Variants in NETO1 observed in about 807,000 individuals in gnomAD.
NETO1 encodes neuropilin and tolloid-like protein 1.
Under a neutral mutation model 61.3 loss-of-function variants are expected in NETO1, and 26 were observed. The ratio of observed to expected loss-of-function variants is 0.42; its 90% CI spans 0.31 to 0.59. The LOEUF is 0.59. NETO1 is among the 20% of genes least tolerant of loss of function. NETO1 has a pLI of 0.12. For synonymous variants in NETO1, 225 were observed against 225.8 expected, an observed-to-expected ratio of 1.00 and a Z score of 0.03; for missense variants, 531 against 662.8, an observed-to-expected ratio of 0.80 and a Z score of 2.18.
intron 8 of NETO1, 25 bp from the exon 9 acceptor site, chr18:72,750,645 A>C (rs771450495): frequency 1.3e-6 from 2 of 1,534,438 alleles, no homozygotes; most frequent in Non-Finnish European, 1.8e-6. Flanking sequence ...GAGTGAAAAC[A>C]ACAAACGGAC....
At chr18:72,866,776 G>A (rs1407070001) in intron 1 of NETO1, 2 of 993,056 alleles carry the variant, frequency 2.0e-6, no homozygotes, top group Non-Finnish European at 2.4e-6. Context: ...TCTCCAGGGC[G>A]GAAAGGGGTG....
intron 3 of NETO1, among the ~76,000 whole-genome samples, chr18:72,863,733 A>T (rs1327507706): frequency 6.6e-6 from 1 of 152,160 alleles, no homozygotes; most frequent in Non-Finnish European, 1.5e-5. Flanking sequence ...AAAATCTATC[A>T]AATAAATGTG....
At chr18:72,802,878 A>G (rs1293414427) in intron 4 of NETO1, among the ~76,000 whole-genome samples, 1 of 152,228 alleles carries the variant, frequency 6.6e-6, no homozygotes, top group East Asian at 1.9e-4. Context: ...AGTCTAGAGT[A>G]ACAGTTTTAA....
intron 4 of NETO1, among the ~76,000 whole-genome samples, chr18:72,810,145 G>T (rs2072817920): frequency 6.6e-6 from 1 of 152,132 alleles, no homozygotes; most frequent in African/African-American, 2.4e-5. Flanking sequence ...AAGTAATCTT[G>T]GTCCATTTTA....
chr18:72,794,279 C>A, intron 5 of NETO1, 35 bp from the exon 6 acceptor site: 2 of 1,613,978 alleles, frequency 1.2e-6, no homozygotes, highest in Non-Finnish European at 1.7e-6. Context: ...CACACAAAAA[C>A]GGAGCTTGAA....
intron 4 of NETO1, among the ~76,000 whole-genome samples, chr18:72,854,520 C>T (rs2074356730): frequency 6.6e-6 from 1 of 152,190 alleles, no homozygotes; most frequent in Non-Finnish European, 1.5e-5. Context: ...GGAAGGGCCA[C>T]CTTCTCCAGG....
Position 72,750,083 on chromosome 18 carries a change from C to T in NETO1, c.1520G>A (p.Arg507Lys). ...TGACCGCTGGACGGCTTTATCGTGT[C>T]TGGACAGCCTGTGACTGGTGGTCGG... ...EVPTTSHRLS[R>K]HDKAVQRFCL... Residue 507 changes from arginine (R) to lysine (K), a missense_variant, in exon 9 of 11, where the codon AGA (arginine) becomes AAA (lysine). By Grantham distance (26) the Arg-to-Lys change is conservative. Transcript: ENST00000327305. 6.3e-7 allele frequency: 1 copy of T among 1,598,730 alleles called. No individual in the cohort carries two copies.
intron 4 of NETO1, among the ~76,000 whole-genome samples, chr18:72,805,786 G>C (rs1460796474): frequency 6.6e-6 from 1 of 152,098 alleles, no homozygotes; most frequent in African/African-American, 2.4e-5. Context: ...CTTCTCTCTT[G>C]ATTTGGGAGT....
intron 7 of NETO1, among the ~76,000 whole-genome samples, chr18:72,759,145 G>C (rs2070886726): frequency 6.6e-6 from 1 of 152,044 alleles, no homozygotes; most frequent in South Asian, 2.1e-4. Flanking sequence ...GTAGCCCATT[G>C]CTCCTAGCAC....
At chr18:72,808,685 AG>A (rs1290479970) in intron 4 of NETO1, among the ~76,000 whole-genome samples, 6 of 152,358 alleles carry the variant, frequency 3.9e-5, no homozygotes, top group African/African-American at 1.4e-4. Flanking sequence ...AAGCTGTACA[AG>A]CCATGCTAAC....
chr18:72,797,921 G>T (rs2072372942), intron 4 of NETO1, among the ~76,000 whole-genome samples: 1 of 151,990 alleles, frequency 6.6e-6, no homozygotes, highest in African/African-American at 2.4e-5. Context: ...TTGGTTTTTG[G>T]TTCAAATATT....
intron 4 of NETO1, among the ~76,000 whole-genome samples, chr18:72,846,881 A>G (rs1431676544): frequency 6.6e-6 from 1 of 152,176 alleles, no homozygotes; most frequent in African/African-American, 2.4e-5. Flanking sequence ...TTCCTATTTC[A>G]TCGGGACAGC....
Position 72,810,070 on chromosome 18 carries a change from G to A in NETO1, c.470-15666C>T, listed in dbSNP as rs74948102. 7.8e-3 allele frequency among the ~76,000 whole-genome samples: 1,190 copies of A among 152,244 alleles called. 36 individuals are homozygous for A. Among genetic ancestry groups the A allele is most frequent in the East Asian group, 0.065 (337 of 5,182 alleles). On this transcript the variant is annotated intron_variant, in intron 4 of 10. Coordinates refer to ENST00000327305, the MANE Select transcript of NETO1 (RefSeq NM_138966.5). Reference sequence around the variant, plus strand: ...TAATGTCACTGTTTGCAATTTAAGAGGTCATCTCCTGGAAGTGTACAACTA... The same window carrying A: ...TAATGTCACTGTTTGCAATTTAAGAAGTCATCTCCTGGAAGTGTACAACTA...
At position 72,804,163 on chromosome 18, in the gene NETO1, A is replaced by G. The variant is rs2072599299; in HGVS notation, c.470-9759T>C. ...AATATACTCAGTTTAAATGGCTAATATAATAAATATTGAATGATACAGCCA... is the reference window on the plus strand; with the variant it reads ...AATATACTCAGTTTAAATGGCTAATGTAATAAATATTGAATGATACAGCCA... On this transcript the variant is annotated intron_variant, in intron 4 of 10. Transcript: ENST00000327305. Among the ~76,000 whole-genome samples, 3 of 152,170 alleles carry G rather than the reference A, an allele frequency of 2.0e-5. No individual in the cohort carries two copies. In the South Asian group the frequency reaches 6.2e-4, roughly 31 times the overall value.
intron 4 of NETO1, among the ~76,000 whole-genome samples, chr18:72,802,735 T>TAAG (rs2072550172): frequency 6.6e-6 from 1 of 152,248 alleles, no homozygotes; most frequent in Admixed American, 6.5e-5. Context: ...GAATCAGGAC[T>TAAG]GTGGCACCAA....
chr18:72,835,173 A>T, intron 4 of NETO1: 2 of 1,307,482 alleles, frequency 1.5e-6, no homozygotes, highest in African/African-American at 1.5e-5. Context: ...AAGGGCACAA[A>T]TCGTGGTGCA....
chr18:72,813,333 C>G (rs1599053779), intron 4 of NETO1, among the ~76,000 whole-genome samples: 1 of 152,328 alleles, frequency 6.6e-6, no homozygotes, highest in South Asian at 2.1e-4. Context: ...CAACTACTTT[C>G]TGCAGGAATA....
chr18:72,861,957 C>A (rs778362426), intron 3 of NETO1, among the ~76,000 whole-genome samples: 4 of 152,174 alleles, frequency 2.6e-5, no homozygotes, highest in Admixed American at 1.3e-4. Context: ...TAACAACTGG[C>A]ACTTTGACTA....
rs35252443 is a variant in NETO1, at chr18:72,846,504, C to CAAAAAAAAAAAAAAAAAAAAAAAA, written c.469+12298_469+12321dup. 2.3e-4 allele frequency among the ~76,000 whole-genome samples: 3 copies of CAAAAAAAAAAAAAAAAAAAAAAAA among 13,002 alleles called. 1 individual carries two copies. The highest frequency in any genetic ancestry group is 3.8e-4 in the Non-Finnish European group (3 of 7,798). The allele number at this position is 13,002 out of a possible 152,430, so 8.5% of individuals were successfully genotyped here. ...TGGGCAATGGAGTGAGACTTCATCT[C>CAAAAAAAAAAAAAAAAAAAAAAAA]AAAAAAAAAAAAAAAAAAAAAAAAA... On this transcript the variant is annotated intron_variant, in intron 4 of 10. Coordinates refer to ENST00000327305, the MANE Select transcript of NETO1 (RefSeq NM_138966.5).
Sources: allele counts gnomAD v4.1 joint callset (sites outside exome capture counted in the v4.1 genomes callset), GRCh38; gene constraint gnomAD v4.1.1; transcripts MANE v1.5; gene names NCBI Gene and HGNC (gene_info 2026-07-23, HGNC 2026-07-21).